The following CFAP221 variants were observed in gnomAD, a reference collection of about 807,000 sequenced individuals.
CFAP221 encodes the protein cilia and flagella associated protein 221.
In CFAP221, 97 loss-of-function variants were observed where a neutral mutation model predicts 113.1. The ratio of observed to expected loss-of-function variants is 0.86; its 90% CI spans 0.73 to 1.02. The LOEUF (loss-of-function observed/expected upper bound fraction) is 1.02, where lower values mean the gene tolerates loss of function less well. Ranked by LOEUF, CFAP221 falls within the 50% of genes least tolerant of loss-of-function variation. The probability of loss-of-function intolerance (pLI) is 0.00; values close to 1 mark genes in which losing one functional copy is unlikely to be tolerated. For missense variants in CFAP221, 1,025 were observed against 1,013.4 expected (o/e 1.01, Z -0.16); for synonymous variants, 331 against 354.4 (o/e 0.93, Z 0.74).
At chr2:119,552,158 CTTTTTT>C (rs772767971) in intron 3 of CFAP221, among the ~76,000 whole-genome samples, 1 of 96,564 alleles carries the variant, frequency 1.0e-5, no homozygotes, top group Non-Finnish European at 2.2e-5. Context: ...TAAAACTGGC[CTTTTTT>C]TTTTTTTTTT....
chr2:119,607,640 C>A (rs965487407), intron 11 of CFAP221, among the ~76,000 whole-genome samples: 1 of 152,104 alleles, frequency 6.6e-6, no homozygotes, highest in Non-Finnish European at 1.5e-5. Context: ...GAAAAAGAAA[C>A]CTCATACCCA....
At chr2:119,620,191 C>T (rs1325989556) in intron 14 of CFAP221, among the ~76,000 whole-genome samples, 5 of 152,164 alleles carry the variant, frequency 3.3e-5, no homozygotes, top group African/African-American at 1.2e-4. Flanking sequence ...AGGAGAACTT[C>T]CCCAACCTAG....
At chr2:119,626,942 AAAG>A (rs985020296) in intron 15 of CFAP221, among the ~76,000 whole-genome samples, 3 of 151,654 alleles carry the variant, frequency 2.0e-5, no homozygotes, top group Non-Finnish European at 2.9e-5. Context: ...AAAAAAAAAA[AAAG>A]AAAGGAATTC....
intron 6 of CFAP221, among the ~76,000 whole-genome samples, chr2:119,575,455 A>G (rs1229560590): frequency 6.6e-6 from 1 of 152,166 alleles, no homozygotes; most frequent in Non-Finnish European, 1.5e-5. Context: ...TTATATTAAT[A>G]CTTTCATCTT....
At chr2:119,626,661 C>T (rs772521924) in intron 15 of CFAP221, among the ~76,000 whole-genome samples, 1 of 152,174 alleles carries the variant, frequency 6.6e-6, no homozygotes, top group Non-Finnish European at 1.5e-5. Context: ...ACTGTGGCCA[C>T]TGTAGTACAT....
At chr2:119,607,783 G>A (rs1037319892) in intron 11 of CFAP221, among the ~76,000 whole-genome samples, 1 of 152,130 alleles carries the variant, frequency 6.6e-6, no homozygotes, top group African/African-American at 2.4e-5. Flanking sequence ...TTTGTGACTG[G>A]CCTCTTCCAC....
chr2:119,631,835 A>G (rs1686795341), intron 19 of CFAP221, among the ~76,000 whole-genome samples: 1 of 152,210 alleles, frequency 6.6e-6, no homozygotes, highest in Admixed American at 6.5e-5. Flanking sequence ...TGACATCACT[A>G]CATATTCTAC....
intron 7 of CFAP221, among the ~76,000 whole-genome samples, chr2:119,596,221 G>A (rs894421658): frequency 3.3e-5 from 5 of 152,178 alleles, no homozygotes; most frequent in Non-Finnish European, 5.9e-5. Flanking sequence ...AGGTTGGCTC[G>A]GATGGGTGGT....
In CFAP221 at chr2:119,560,015, G is replaced by A. The variant is rs1423850501; in HGVS notation, c.415G>A (p.Val139Ile). 6 of 1,422,908 alleles carry A rather than the reference G, an allele frequency of 4.2e-6. No individual in the cohort carries two copies. The South Asian group carries it at 7.4e-5, about 17-fold the overall frequency. 88.1% of individuals were successfully genotyped at this position (1,422,908 alleles called of 1,614,324 possible). A position where few individuals can be genotyped will look rare whatever the true frequency, so the allele number is the denominator to read the frequency against. The change falls in exon 5 of 24, where the codon GTT (valine) becomes ATT (isoleucine). Residue 139 changes from valine to isoleucine, a missense_variant. Coordinates refer to ENST00000413369, the MANE Select transcript of CFAP221 (RefSeq NM_001271049.2). ...EWRYYYDCIR[V>I]HCKGDDTLLV... is the part of the protein sequence containing the mutation. ...GCGATACTATTATGACTGCATCCGT[G>A]TTCACTGTAAGGTAGGTCTCTTAAA...
chr2:119,546,339 A>G (rs921659448), intron 2 of CFAP221, 69 bp downstream of exon 2: 63 of 1,451,940 alleles, frequency 4.3e-5, no homozygotes, highest in Non-Finnish European at 5.3e-5. Context: ...TCCAGAGAGC[A>G]TAATGGGACT....
At chr2:119,545,692 C>T (rs1680002377) in intron 1 of CFAP221, among the ~76,000 whole-genome samples, 1 of 152,194 alleles carries the variant, frequency 6.6e-6, no homozygotes, top group Non-Finnish European at 1.5e-5. Flanking sequence ...TTGGAGAAAT[C>T]TCTGAAAGAA....
rs559453758 is a variant in CFAP221, at chr2:119,635,896, G to A, written c.1975-2363G>A. Among the ~76,000 whole-genome samples, 63 of 152,222 alleles carry A rather than the reference G, an allele frequency of 4.1e-4. 2 individuals carry two copies. The South Asian group carries it at 0.012, about 30-fold the overall frequency. ...CACTAACAGTGCAGTTGAGAGTCTC[G>A]AAGACTCAAGGATTGCATAAAGGCA... On this transcript the variant is annotated intron_variant, in intron 19 of 23. Coordinates refer to ENST00000413369, the MANE Select transcript of CFAP221 (RefSeq NM_001271049.2).
chr2:119,591,017 A>G (rs1331152760), intron 7 of CFAP221, among the ~76,000 whole-genome samples: 1 of 152,232 alleles, frequency 6.6e-6, no homozygotes, highest in Non-Finnish European at 1.5e-5. Flanking sequence ...CATAGTGGCT[A>G]TATGACTGCT....
Position 119,608,574 on chromosome 2 carries a change from A to T in CFAP221, c.1206A>T (p.Ala402=). 10 of 1,612,430 alleles carry T rather than the reference A, an allele frequency of 6.2e-6. No homozygotes were observed. Among genetic ancestry groups the T allele is most frequent in the Non-Finnish European group, 8.5e-6 (10 of 1,178,694 alleles). ...AGCTTACTGAAGAGTGGCAAAAAGC[A>T]TGTGCCAAATATAAGGTCAGAGTTA... ...KKELTEEWQK[A]CAKYKLDRGD... Residue 402 remains alanine (A), a synonymous_variant, in exon 12 of 24, where the codon GCA becomes GCT. Coordinates refer to ENST00000413369, the MANE Select transcript of CFAP221 (RefSeq NM_001271049.2).
chr2:119,582,962 A>T (rs1682950832), intron 6 of CFAP221, among the ~76,000 whole-genome samples: 1 of 152,200 alleles, frequency 6.6e-6, no homozygotes, highest in African/African-American at 2.4e-5. Context: ...ATCTATTATT[A>T]ATTGTAACAA....
At chr2:119,646,281 AT>A (rs1687798281) in intron 21 of CFAP221, among the ~76,000 whole-genome samples, 1 of 152,192 alleles carries the variant, frequency 6.6e-6, no homozygotes, top group African/African-American at 2.4e-5. Context: ...AAACTGAGTA[AT>A]TTATAAAGAA....
chr2:119,608,741 G>C, intron 12 of CFAP221, 152 bp downstream of exon 12: 2 of 688,918 alleles, frequency 2.9e-6, no homozygotes, highest in Non-Finnish European at 5.1e-6. Context: ...AATCAAGACT[G>C]GCTATAAATG....
intron 14 of CFAP221, 48 bp from the exon 15 acceptor site, chr2:119,625,535 A>G (rs1293983625): frequency 6.7e-7 from 1 of 1,503,130 alleles, no homozygotes; most frequent in South Asian, 1.2e-5. Context: ...TGCCAAAATG[A>G]GCGTGTGTTG....
chr2:119,617,604 C>G (rs1685616721), intron 14 of CFAP221, among the ~76,000 whole-genome samples: 2 of 152,200 alleles, frequency 1.3e-5, no homozygotes, highest in Non-Finnish European at 2.9e-5. Context: ...CAAGCCCTGT[C>G]AGTTCTATGT....
Sources: allele counts gnomAD v4.1 joint callset (sites outside exome capture counted in the v4.1 genomes callset), GRCh38; gene constraint gnomAD v4.1.1; transcripts MANE v1.5; gene names NCBI Gene and HGNC (gene_info 2026-07-23, HGNC 2026-07-21).